EPS15L1: variants seen among roughly 807,000 people sequenced by gnomAD.
The protein encoded by EPS15L1 is epidermal growth factor receptor pathway substrate 15 like 1, also known as epidermal growth factor receptor substrate 15-like 1.
A neutral mutation model predicts 117.1 loss-of-function variants in EPS15L1; 43 were observed. That is an observed-to-expected ratio of 0.37 (90% CI 0.29 to 0.47). The LOEUF is 0.47. Among genes scored for constraint, EPS15L1 ranks in the 20% least tolerant of loss-of-function variants. EPS15L1 has a pLI of 0.99. For synonymous variants in EPS15L1, 459 were observed against 470.5 expected, an observed-to-expected ratio of 0.98 and a Z score of 0.32; for missense variants, 981 against 1,164.0, an observed-to-expected ratio of 0.84 and a Z score of 2.29.
chr19:16,428,998 A>T (rs1382337233), intron 7 of EPS15L1, among the ~76,000 whole-genome samples: 1 of 152,182 alleles, frequency 6.6e-6, no homozygotes, highest in Non-Finnish European at 1.5e-5. Context: ...TGATTATAAG[A>T]TTATAAGTTT....
At chr19:16,379,675 T>C (rs1193700481) in intron 21 of EPS15L1, among the ~76,000 whole-genome samples, 1 of 152,020 alleles carries the variant, frequency 6.6e-6, no homozygotes, top group Admixed American at 6.6e-5. Flanking sequence ...GACAAGGCCA[T>C]CTAAGGCTCC....
intron 1 of EPS15L1, among the ~76,000 whole-genome samples, chr19:16,452,633 GA>G (rs58224667): frequency 0.26 from 23,169 of 87,872 alleles, 2,226 homozygotes; most frequent in East Asian, 0.39. Context: ...AATGTCATCT[GA>G]AAAAAAAAAA....
intron 4 of EPS15L1, among the ~76,000 whole-genome samples, chr19:16,440,258 C>T (rs1169800733): frequency 6.6e-6 from 1 of 151,952 alleles, no homozygotes; most frequent in African/African-American, 2.4e-5. Flanking sequence ...GATAGTGAAA[C>T]ACTATCTCTA....
chr19:16,402,444 C>A lies in EPS15L1; in HGVS notation c.1668G>T (p.Glu556Asp). The change falls in exon 16 of 24, where the codon GAG becomes GAT. Residue 556 changes from glutamate to aspartate, a missense_variant. Physicochemically the swap from Glu to Asp is conservative, Grantham distance 45. This residue lies in a region of EPS15L1 where 819 missense variants were observed against 949.0 expected (regional missense o/e 0.86). Transcript: ENST00000455140. ...CATACTGCTCCAGGCTCCTGTGGGC[C>A]TCCTGGCGGCTTTCATGCAGCTGGG... ...KLSQLHESRQ[E>D]AHRSLEQYDQ... 6.2e-7 allele frequency: 1 copy of A among 1,611,556 alleles called. No homozygotes were observed. The highest frequency in any genetic ancestry group is 1.1e-5 in the South Asian group (1 of 90,744).
chr19:16,441,155 GAC>G, intron 3 of EPS15L1: 1 of 548,404 alleles, frequency 1.8e-6, no homozygotes. Context: ...TGGTGTTTAT[GAC>G]ACCCTTCTTC....
At chr19:16,357,527 GGCATGAGCGGGAA>G (rs1244301061) in intron 23 of EPS15L1, 4 of 153,016 alleles carry the variant, frequency 2.6e-5, no homozygotes, top group African/African-American at 9.6e-5. Context: ...GCTTGATGGT[GGCATGAGCGGGAA>G]GCAGGAGAGA....
In EPS15L1 at chr19:16,404,407, G is replaced by T. The variant is rs2092633977; in HGVS notation, c.1428+181C>A. 6.6e-6 allele frequency among the ~76,000 whole-genome samples: 1 copy of T among 152,150 alleles called. No individual in the cohort carries two copies. The highest frequency in any genetic ancestry group is 1.5e-5 in the Non-Finnish European group (1 of 68,006). On this transcript the variant is annotated intron_variant, in intron 14 of 23. Transcript: ENST00000455140. This position sits in a 1 kb window ranked among gnomAD's most constrained non-coding sequence, Gnocchi z 4.2. ...ACAACCTGACTTCTAGGAGTACAGGGGGGTGGCCAGGAAGTCAAGCCACAG... is the reference window on the plus strand; with the variant it reads ...ACAACCTGACTTCTAGGAGTACAGGTGGGTGGCCAGGAAGTCAAGCCACAG...
intron 21 of EPS15L1, among the ~76,000 whole-genome samples, chr19:16,384,575 C>A (rs1405607174): frequency 1.3e-5 from 2 of 152,204 alleles, no homozygotes; most frequent in African/African-American, 4.8e-5. Context: ...GTTCAGGTCA[C>A]CGTGTGGTGA....
chr19:16,413,705 G>T, intron 13 of EPS15L1, 68 bp downstream of exon 13: 1 of 1,336,504 alleles, frequency 7.5e-7, no homozygotes, highest in Non-Finnish European at 1.1e-6. Context: ...CCACCAGCCA[G>T]GGAGGGAAGT....
chr19:16,393,219 G>A (rs73509177), intron 18 of EPS15L1, among the ~76,000 whole-genome samples: 3 of 151,768 alleles, frequency 2.0e-5, no homozygotes, highest in Admixed American at 2.0e-4. Context: ...TTGGGATGGG[G>A]TCTCCTTTTG....
chr19:16,365,354 C>T lies in EPS15L1; in HGVS notation c.2381-3370G>A, dbSNP rs575686374. On this transcript the variant is annotated intron_variant, in intron 22 of 23. Coordinates refer to ENST00000455140, the MANE Select transcript of EPS15L1 (RefSeq NM_001258374.3). This position sits in a 1 kb window ranked among gnomAD's most constrained non-coding sequence, Gnocchi z 4.9. ...ATTTAAAGGGGTAACTGAGTTAAAA[C>T]GAAGTCAAAGGATCAATGACTGTCT... 5.3e-5 allele frequency among the ~76,000 whole-genome samples: 8 copies of T among 152,276 alleles called. No individual in the cohort carries two copies. The highest frequency in any genetic ancestry group is 3.4e-3 in the Middle Eastern group (1 of 294).
intron 23 of EPS15L1, 56 bp from the exon 24 acceptor site, chr19:16,355,907 C>T: frequency 6.6e-7 from 1 of 1,518,742 alleles, no homozygotes; most frequent in Non-Finnish European, 8.8e-7. Context: ...GACCTGCAAG[C>T]TGGAGGGAGG....
chr19:16,454,634 C>G (rs970742920), intron 1 of EPS15L1, among the ~76,000 whole-genome samples: 1 of 152,132 alleles, frequency 6.6e-6, no homozygotes, highest in East Asian at 1.9e-4. Flanking sequence ...CCAAACCAGA[C>G]AGAACTCAGG....
intron 3 of EPS15L1, chr19:16,441,246 G>A (rs896947409): frequency 3.8e-5 from 13 of 341,222 alleles, no homozygotes; most frequent in Admixed American, 3.1e-4. Context: ...CAAGGTGGGC[G>A]ATTCACCTGA....
chr19:16,385,037 G>T lies in EPS15L1; in HGVS notation c.2247+92C>A, dbSNP rs1018620485. 1.5e-5 allele frequency: 15 copies of T among 985,472 alleles called. No individual in the cohort carries two copies. The African/African-American group carries it at 2.1e-4, about 14-fold the overall frequency. 61.0% of individuals were successfully genotyped at this position (985,472 alleles called of 1,614,324 possible). A position where few individuals can be genotyped will look rare whatever the true frequency, so the allele number is the denominator to read the frequency against. Reference sequence around the variant, plus strand: ...GGAAAGGTGCCGGGGAGATACATACGTGACATGAACAATTACGCCTGGCAG... The same window carrying T: ...GGAAAGGTGCCGGGGAGATACATACTTGACATGAACAATTACGCCTGGCAG... On this transcript the variant is annotated intron_variant, in intron 21 of 23. Transcript: ENST00000455140.
At chr19:16,414,615 A>G (rs919007096) in intron 12 of EPS15L1, among the ~76,000 whole-genome samples, 8 of 151,692 alleles carry the variant, frequency 5.3e-5, no homozygotes, top group Non-Finnish European at 8.8e-5. Flanking sequence ...TGGCCAGGAT[A>G]GTCTTGATCT....
intron 19 of EPS15L1, among the ~76,000 whole-genome samples, chr19:16,387,593 G>A (rs1487551421): frequency 6.6e-6 from 1 of 152,008 alleles, no homozygotes; most frequent in Non-Finnish European, 1.5e-5. Context: ...GGCAACAAGA[G>A]TGAAACTCCG....
chr19:16,425,360 G>A (rs1054632066), intron 8 of EPS15L1, 44 bp from the exon 9 acceptor site: 2 of 1,398,122 alleles, frequency 1.4e-6, no homozygotes, highest in South Asian at 2.5e-5. Flanking sequence ...CAAGGCTGGG[G>A]CCGGGACCAT....
rs971186076 is a variant in EPS15L1 at position 16,370,425 on chromosome 19, G to C, written c.2380+6697C>G. On this transcript the variant is annotated intron_variant, in intron 22 of 23. Coordinates refer to ENST00000455140, the MANE Select transcript of EPS15L1 (RefSeq NM_001258374.3). The surrounding 1 kb of genome is among the most constrained non-coding windows in gnomAD (Gnocchi z 5.2). ...CCAAGCAAGGGGTTGAGGTGTCCTG[G>C]AGGCAGGTACACCCGATGTCCCCAG... Among the ~76,000 whole-genome samples the C allele has an allele frequency of 6.6e-6, 1 of 152,050 alleles. No individual in the cohort carries two copies. The highest frequency in any genetic ancestry group is 2.4e-5 in the African/African-American group (1 of 41,366).
Sources: gnomAD v4.1 joint callset for allele counts (sites outside exome capture counted in the v4.1 genomes callset) on GRCh38, gnomAD v4.1.1 for gene constraint, gnomAD v4.1.1 regional missense constraint, Gnocchi (gnomAD v3.1) non-coding constraint, MANE v1.5 for transcripts, NCBI Gene and HGNC (gene_info 2026-07-23, HGNC 2026-07-21) for gene names.